Variants in PIK3C2G observed in about 807,000 individuals in gnomAD.
The protein encoded by PIK3C2G is phosphatidylinositol-4-phosphate 3-kinase catalytic subunit type 2 gamma, also known as phosphatidylinositol 3-kinase C2 domain-containing subunit gamma.
A neutral mutation model predicts 181.1 loss-of-function variants in PIK3C2G; 168 were observed. The ratio of observed to expected loss-of-function variants is 0.93; its 90% CI spans 0.82 to 1.05. PIK3C2G has a LOEUF of 1.05. Ranked by LOEUF, PIK3C2G falls within the 50% of genes least tolerant of loss-of-function variation. PIK3C2G has a pLI of 0.00. For synonymous variants in PIK3C2G, 573 were observed against 592.2 expected (o/e 0.97, Z 0.47); for missense variants, 1,869 against 1,732.8 (o/e 1.08, Z -1.40).
At chr12:18,419,964 A>G (rs1011491308) in intron 16 of PIK3C2G, among the ~76,000 whole-genome samples, 6 of 152,144 alleles carry the variant, frequency 3.9e-5, no homozygotes, top group Admixed American at 1.3e-4. Flanking sequence ...CTGGAAGCCA[A>G]TCTTTAGAGC....
intron 18 of PIK3C2G, among the ~76,000 whole-genome samples, chr12:18,462,388 T>C (rs1246606028): frequency 6.6e-6 from 1 of 151,868 alleles, no homozygotes; most frequent in African/African-American, 2.4e-5. Flanking sequence ...CAGAGCACCA[T>C]ACAAAAAAAA....
At chr12:18,350,098 G>C (rs540048704) in intron 11 of PIK3C2G, among the ~76,000 whole-genome samples, 3 of 152,240 alleles carry the variant, frequency 2.0e-5, no homozygotes, top group Non-Finnish European at 2.9e-5. Context: ...AGGAAGCCAA[G>C]AAAATATTAC....
intron 12 of PIK3C2G, among the ~76,000 whole-genome samples, chr12:18,370,713 T>G (rs1185029807): frequency 6.6e-6 from 1 of 152,144 alleles, no homozygotes; most frequent in Non-Finnish European, 1.5e-5. Context: ...TCACCATTTA[T>G]CAGACACACC....
intron 29 of PIK3C2G, among the ~76,000 whole-genome samples, chr12:18,579,156 C>T (rs1946370651): frequency 1.3e-5 from 2 of 151,924 alleles, no homozygotes; most frequent in African/African-American, 4.8e-5. Context: ...AAGTTGGTTG[C>T]AGACAAGAAA....
At chr12:18,256,066 T>G (rs976899706) in intron 1 of PIK3C2G, among the ~76,000 whole-genome samples, 1 of 152,210 alleles carries the variant, frequency 6.6e-6, no homozygotes, top group Non-Finnish European at 1.5e-5. Context: ...AAATGAATTA[T>G]CTATTCTAAA....
chr12:18,529,748 A>G (rs1430094846), intron 24 of PIK3C2G, among the ~76,000 whole-genome samples: 2 of 152,288 alleles, frequency 1.3e-5, no homozygotes, highest in Admixed American at 1.3e-4. Flanking sequence ...ATTGTGTTTT[A>G]AAATATGGCC....
chr12:18,326,340 T>A (rs1003940556), intron 8 of PIK3C2G, among the ~76,000 whole-genome samples: 1 of 152,186 alleles, frequency 6.6e-6, no homozygotes, highest in Non-Finnish European at 1.5e-5. Flanking sequence ...TACAGAATAT[T>A]GTGAGTCAGG....
the PIK3C2G span, among the ~76,000 whole-genome samples, chr12:18,690,005 G>A: frequency 4.6e-5 from 7 of 152,112 alleles, no homozygotes; most frequent in East Asian, 9.7e-4. Flanking sequence ...ACCTCAACAA[G>A]AGACTCCTCA....
intron 30 of PIK3C2G, among the ~76,000 whole-genome samples, chr12:18,603,855 A>C (rs1421646723): frequency 1.3e-5 from 2 of 152,242 alleles, no homozygotes; most frequent in Non-Finnish European, 2.9e-5. Flanking sequence ...CACTACCACA[A>C]GAACTGCTAA....
intron 7 of PIK3C2G, among the ~76,000 whole-genome samples, chr12:18,322,922 G>T (rs1218136081): frequency 1.3e-5 from 2 of 152,108 alleles, no homozygotes; most frequent in Non-Finnish European, 2.9e-5. Context: ...CCCAGGGGTG[G>T]GGGGAACAGA....
intron 29 of PIK3C2G, among the ~76,000 whole-genome samples, chr12:18,584,076 T>C (rs956296353): frequency 6.6e-6 from 1 of 151,650 alleles, no homozygotes; most frequent in Non-Finnish European, 1.5e-5. Flanking sequence ...TCGCCCAGGC[T>C]GGAGTTCAGT....
intron 18 of PIK3C2G, among the ~76,000 whole-genome samples, chr12:18,426,290 T>C (rs1472497200): frequency 1.3e-5 from 2 of 152,198 alleles, no homozygotes; most frequent in African/African-American, 4.8e-5. Context: ...AATTTTATGT[T>C]AGGATTAAGT....
intron 26 of PIK3C2G, among the ~76,000 whole-genome samples, chr12:18,552,117 C>T (rs1248750135): frequency 6.6e-6 from 1 of 152,060 alleles, no homozygotes; most frequent in African/African-American, 2.4e-5. Flanking sequence ...AACTTTGAAG[C>T]CGTTGGAAAT....
chr12:18,260,912 C>A (rs2136993087), upstream of PIK3C2G, among the ~76,000 whole-genome samples: 1 of 152,158 alleles, frequency 6.6e-6, no homozygotes, highest in African/African-American at 2.4e-5. Flanking sequence ...CCCACATCTA[C>A]TTGCTAATCT....
At chr12:18,349,716 G>A (rs923198168) in intron 11 of PIK3C2G, among the ~76,000 whole-genome samples, 4 of 152,046 alleles carry the variant, frequency 2.6e-5, no homozygotes, top group Middle Eastern at 6.8e-3. Context: ...TAAATTTATC[G>A]TTTTGTGTAT....
At chr12:18,598,621 T>C (rs1011589259) in intron 30 of PIK3C2G, among the ~76,000 whole-genome samples, 3 of 149,814 alleles carry the variant, frequency 2.0e-5, no homozygotes, top group East Asian at 2.0e-4. Context: ...CCAAAAGCAA[T>C]GGCAACAAAA....
intron 12 of PIK3C2G, among the ~76,000 whole-genome samples, chr12:18,369,450 G>A (rs372920183): frequency 4.7e-5 from 7 of 150,336 alleles, no homozygotes; most frequent in East Asian, 4.0e-4. Context: ...TATAACGATC[G>A]TATAATTGAC....
At chr12:18,364,120 C>G (rs1941468166) in intron 12 of PIK3C2G, among the ~76,000 whole-genome samples, 1 of 152,196 alleles carries the variant, frequency 6.6e-6, no homozygotes, top group Admixed American at 6.5e-5. Flanking sequence ...ATCTTTACCT[C>G]TAGAATTAAC....
At chr12:18,585,922 G>C (rs1946749788) in intron 29 of PIK3C2G, among the ~76,000 whole-genome samples, 2 of 152,036 alleles carry the variant, frequency 1.3e-5, no homozygotes, top group Non-Finnish European at 2.9e-5. Context: ...TTACATGGAA[G>C]TTAAACAGCT....
Sources: gnomAD v4.1 joint callset for allele counts (sites outside exome capture counted in the v4.1 genomes callset) on GRCh38, gnomAD v4.1.1 for gene constraint, MANE v1.5 for transcripts, NCBI Gene and HGNC (gene_info 2026-07-23, HGNC 2026-07-21) for gene names.